CSPG4: variants seen among roughly 807,000 people sequenced by gnomAD.
CSPG4 encodes chondroitin sulfate proteoglycan 4 (melanoma-associated).
CSPG4 carries 74 observed loss-of-function variants against 139.3 expected under a neutral mutation model. That is an observed-to-expected ratio of 0.53 (90% CI 0.44 to 0.64). The LOEUF (loss-of-function observed/expected upper bound fraction) is 0.64. Ranked by LOEUF, CSPG4 falls within the 30% of genes least tolerant of loss-of-function variation. The pLI is 0.00. For synonymous variants in CSPG4, 1,234 were observed against 1,394.2 expected, an observed-to-expected ratio of 0.89 and a Z score of 2.56; for missense variants, 2,565 against 3,148.3, an observed-to-expected ratio of 0.81 and a Z score of 4.43.
At chr15:75,706,110 C>T (rs892521125) in intron 1 of CSPG4, among the ~76,000 whole-genome samples, 4 of 152,228 alleles carry the variant, frequency 2.6e-5, no homozygotes, top group African/African-American at 9.6e-5. Flanking sequence ...CAGGGAGAAG[C>T]GGGTGTCGTG....
chr15:75,676,098 T>A lies in CSPG4; in HGVS notation c.6421A>T (p.Ser2141Cys). 6.5e-7 allele frequency: 1 copy of A among 1,534,964 alleles called. No individual in the cohort carries two copies. Among genetic ancestry groups the A allele is most frequent in the Non-Finnish European group, 8.7e-7 (1 of 1,144,530 alleles). The change falls in exon 10 of 10, where the codon AGT becomes TGT. Residue 2141 changes from serine (S) to cysteine (C), a missense_variant. Ser to Cys is a moderately radical substitution (Grantham distance 112). Transcript: ENST00000308508. ...TGTGCCCACAGCTCCAGAGTGAGAC[T>A]GTCACCTGCGGGGCCGGGGGCCCTC... ...EGRAPGPAGDSLTLELWAQGV... is the reference protein window; with the variant it reads ...EGRAPGPAGDCLTLELWAQGV...
At chr15:75,709,906 C>T (rs1328748470) in intron 1 of CSPG4, among the ~76,000 whole-genome samples, 1 of 151,834 alleles carries the variant, frequency 6.6e-6, no homozygotes, top group East Asian at 1.9e-4. Context: ...CAGTTTTTCT[C>T]GAGTCCGGGT....
intron 1 of CSPG4, among the ~76,000 whole-genome samples, chr15:75,710,264 GCTCA>G (rs1437497614): frequency 2.0e-5 from 3 of 152,254 alleles, no homozygotes; most frequent in East Asian, 3.9e-4. Flanking sequence ...CCTGCCCTGT[GCTCA>G]CTGTGACCCC....
In CSPG4 at chr15:75,689,729, A is replaced by C; in HGVS notation, c.1336T>G (p.Trp446Gly). The change falls in exon 3 of 10, where the codon TGG (tryptophan) becomes GGG (glycine). Residue 446 changes from tryptophan (W) to glycine (G), a missense_variant. Transcript: ENST00000308508. Reference sequence around the variant, plus strand: ...GGCTGCACATGCCTCCACTCAAGCCAGGCTGTGCCCCCCTCGGCCACCACC... The same window carrying C: ...GGCTGCACATGCCTCCACTCAAGCCCGGCTGTGCCCCCCTCGGCCACCACC... Reference protein sequence around the residue: ...PLVVAEGGTAWLEWRHVQPTL... With the variant: ...PLVVAEGGTAGLEWRHVQPTL... 2.5e-6 allele frequency: 4 copies of C among 1,612,814 alleles called. No individual in the cohort carries two copies. Among genetic ancestry groups the C allele is most frequent in the Non-Finnish European group, 3.4e-6 (4 of 1,179,792 alleles).
At chr15:75,694,788 C>A (rs766534087) in intron 1 of CSPG4, among the ~76,000 whole-genome samples, 1 of 152,272 alleles carries the variant, frequency 6.6e-6, no homozygotes, top group African/African-American at 2.4e-5. Flanking sequence ...TGCGCGGGGG[C>A]GGCCCAGCTG....
chr15:75,690,710 C>T lies in CSPG4; in HGVS notation c.355G>A (p.Gly119Ser). The part of the protein sequence containing the change: ...PHTVVLTVVE[G>S]WATLSVDGFL... ...CCATCGACTGACAACGTGGCCCAGC[C>T]CTCTACGACAGTCAGCACCACAGTG... Residue 119 changes from glycine to serine, a missense_variant, in exon 3 of 10, where the codon GGC becomes AGC. Gly to Ser is a moderately conservative substitution (Grantham distance 56, BLOSUM62 0). Transcript: ENST00000308508. 6.2e-7 allele frequency: 1 copy of T among 1,613,132 alleles called. No individual in the cohort carries two copies. Among genetic ancestry groups the T allele is most frequent in the Non-Finnish European group, 8.5e-7 (1 of 1,180,028 alleles).
At chr15:75,677,530 G>T in intron 9 of CSPG4, 146 bp from the exon 10 acceptor site, 1 of 1,208,130 alleles carries the variant, frequency 8.3e-7, no homozygotes, top group Non-Finnish European at 1.1e-6. Flanking sequence ...TTCCCAGGAG[G>T]ATAAGGACTA....
chr15:75,710,358 T>C (rs1322176801), intron 1 of CSPG4, among the ~76,000 whole-genome samples: 1 of 152,132 alleles, frequency 6.6e-6, no homozygotes, highest in African/African-American at 2.4e-5. Flanking sequence ...AATGCTTGGC[T>C]CTCTGCTGGG....
In CSPG4 at chr15:75,687,302, C is replaced by A. The variant is rs1159120620; in HGVS notation, c.3763G>T (p.Ala1255Ser). The change falls in exon 3 of 10, where the codon GCT becomes TCT. Residue 1255 changes from alanine to serine, a missense_variant. Physicochemically the swap from Ala to Ser is moderately conservative, Grantham distance 99 (BLOSUM62 1). Transcript: ENST00000308508. The surrounding 1 kb of genome is among the most constrained non-coding windows in gnomAD (Gnocchi z 5.4). The stretch of plus-strand genomic sequence containing the variant: ...TCCAGCTGGTCCCTTCTGATCTCAG[C>A]TGCCTCTCCCTGGAAGACGTAGATC... The part of the protein sequence containing the change: ...KKIYVFQGEA[A>S]EIRRDQLEAA... The A allele has an allele frequency of 6.2e-7, 1 of 1,611,452 alleles. No homozygotes were observed. The highest frequency in any genetic ancestry group is 1.7e-5 in the Admixed American group (1 of 60,030).
Position 75,688,203 on chromosome 15 carries a change from G to T in CSPG4, c.2862C>A (p.Thr954=). 2 of 1,612,878 alleles carry T rather than the reference G, an allele frequency of 1.2e-6. No homozygotes were observed. Among genetic ancestry groups the T allele is most frequent in the Non-Finnish European group, 1.7e-6 (2 of 1,179,884 alleles). Residue 954 remains threonine, a synonymous_variant, in exon 3 of 10, where the codon ACC becomes ACA. Transcript: ENST00000308508. ...CATTGGTGAAGGATGTCACCATAGT[G>T]GTCTTGTCCTGTGTCCCACGCCAAG... The part of the protein sequence containing the change: ...RLAWRGTQDK[T]TMVTSFTNED...
Position 75,677,687 on chromosome 15 carries a change from T to TTA in CSPG4, c.5134+14_5134+15dup. 6.3e-7 allele frequency: 1 copy of TTA among 1,581,138 alleles called. No homozygotes were observed. Among genetic ancestry groups the TTA allele is most frequent in the Non-Finnish European group, 8.6e-7 (1 of 1,164,294 alleles). On this transcript the variant is annotated intron_variant, in intron 9 of 9. Transcript: ENST00000308508. ...TGTCCCTCCCCACAATCTTGCCAGC[T>TTA]TATCATGCTGTTCACCTTTGTTCTT...
intron 1 of CSPG4, among the ~76,000 whole-genome samples, chr15:75,700,124 C>T (rs34779572): frequency 0.29 from 44,396 of 151,618 alleles, 6,840 homozygotes; most frequent in Non-Finnish European, 0.35. Context: ...TGTGGAGCAG[C>T]GGCAGGGCTG....
chr15:75,682,977 CCAGAGTCGCCGTCCGTGCTCCT>C lies in CSPG4; in HGVS notation c.4492_4513del (p.Arg1498GlyfsTer17). The C allele has an allele frequency of 6.2e-7, 1 of 1,611,468 alleles. No individual in the cohort carries two copies. Among genetic ancestry groups the C allele is most frequent in the Non-Finnish European group, 8.5e-7 (1 of 1,179,692 alleles). On this transcript the variant is annotated frameshift_variant, in exon 6 of 10. Transcript: ENST00000308508. LOFTEE classifies it high-confidence loss of function. ...GATGGTGTAGACCAGATCCTCAGAC[CCAGAGTCGCCGTCCGTGCTCCT>C]CAGAGCCTCCGCAGGGATGGGCGCA...
chr15:75,697,636 C>T (rs1007013952), intron 1 of CSPG4, among the ~76,000 whole-genome samples: 4 of 152,220 alleles, frequency 2.6e-5, no homozygotes, highest in Non-Finnish European at 5.9e-5. Context: ...AGCCCCACAG[C>T]CAGGCTGCGT....
At position 75,697,063 on chromosome 15, in the gene CSPG4, G is replaced by A. The variant is rs531734417; in HGVS notation, c.89-3830C>T. 1.1e-4 allele frequency among the ~76,000 whole-genome samples: 16 copies of A among 152,296 alleles called. No individual in the cohort carries two copies. The South Asian group carries it at 2.5e-3, about 24-fold the overall frequency. On this transcript the variant is annotated intron_variant, in intron 1 of 9. Coordinates refer to ENST00000308508, the MANE Select transcript of CSPG4 (RefSeq NM_001897.5). Reference sequence around the variant, plus strand: ...TCTGCCCATCAGGCCCGCCTCCCCCGGCCAGGGCCCCACCTTCCCCAGCCA... The same window carrying A: ...TCTGCCCATCAGGCCCGCCTCCCCCAGCCAGGGCCCCACCTTCCCCAGCCA...
rs1192331444 is a variant in CSPG4 at position 75,712,785 on chromosome 15, G to A, written c.-30C>T. 4 of 1,516,816 alleles carry A rather than the reference G, an allele frequency of 2.6e-6. No homozygotes were observed. Among genetic ancestry groups the A allele is most frequent in the East Asian group, 2.6e-5 (1 of 38,746 alleles). 94.0% of individuals were successfully genotyped at this position (1,516,816 alleles called of 1,614,324 possible). On this transcript the variant is annotated 5_prime_UTR_variant, in exon 1 of 10. Transcript: ENST00000308508. ...GCGGGCTGGGCGGCAGGACTTGCGA[G>A]GAGCCAGCGGAGTCCTGGGAGCTGG...
rs1337844510 is a variant in CSPG4 at position 75,684,930 on chromosome 15, G to C, written c.4273-18C>G. 1.2e-5 allele frequency: 20 copies of C among 1,600,200 alleles called. No homozygotes were observed. Among genetic ancestry groups the C allele is most frequent in the Middle Eastern group, 1.7e-4 (1 of 6,036 alleles). ...TCTTCCACCTAGGGGCAGGCCCAGG[G>C]CTGGCAGTCAGGCCCCAGCAGCACC... On this transcript the variant is annotated intron_variant, in intron 4 of 9. Coordinates refer to ENST00000308508, the MANE Select transcript of CSPG4 (RefSeq NM_001897.5).
rs201069796 is a variant in CSPG4, at chr15:75,687,906, G to T, written c.3159C>A (p.Asp1053Glu). Reference protein sequence around the residue: ...AFSDADSGFADAQLVLTRKDL... With the variant: ...AFSDADSGFAEAQLVLTRKDL... ...CCTTGCGGGTAAGCACCAGCTGGGC[G>T]TCAGCAAAGCCCGAGTCAGCATCGC... is the stretch of plus-strand genomic sequence containing the variant. Residue 1053 changes from aspartate (D) to glutamate (E), a missense_variant, in exon 3 of 10, where the codon GAC (aspartate) becomes GAA (glutamate). By Grantham distance (45) the Asp-to-Glu change is conservative. This residue lies in a region of CSPG4 where 2,316 missense variants were observed against 2,818.2 expected (regional missense o/e 0.82). Transcript: ENST00000308508. This position sits in a 1 kb window ranked among gnomAD's most constrained non-coding sequence, Gnocchi z 5.4. The T allele has an allele frequency of 1.5e-4, 244 of 1,612,832 alleles. No individual in the cohort carries two copies. The highest frequency in any genetic ancestry group is 6.6e-4 in the Middle Eastern group (4 of 6,084).
At position 75,677,700 on chromosome 15, in the gene CSPG4, C is replaced by A; in HGVS notation, c.5134+3G>T. 1 of 1,595,090 alleles carries A rather than the reference C, an allele frequency of 6.3e-7. No individual in the cohort carries two copies. The highest frequency in any genetic ancestry group is 1.1e-5 in the South Asian group (1 of 89,184). ...AATCTTGCCAGCTTATCATGCTGTTCACCTTTGTTCTTCCAGAGGTGGCTG... is the reference window on the plus strand; with the variant it reads ...AATCTTGCCAGCTTATCATGCTGTTAACCTTTGTTCTTCCAGAGGTGGCTG... On this transcript the variant is annotated splice_donor_region_variant and intron_variant, in intron 9 of 9. Transcript: ENST00000308508.
Sources: gnomAD v4.1 joint callset for allele counts (sites outside exome capture counted in the v4.1 genomes callset) on GRCh38, gnomAD v4.1.1 for gene constraint, gnomAD v4.1.1 regional missense constraint, Gnocchi (gnomAD v3.1) non-coding constraint, MANE v1.5 for transcripts, NCBI Gene and HGNC (gene_info 2026-07-23, HGNC 2026-07-21) for gene names.